TACR1: variants seen among roughly 807,000 people sequenced by gnomAD.
TACR1 encodes the protein tachykinin receptor 1.
A neutral mutation model predicts 35.8 loss-of-function variants in TACR1; 25 were observed. That is an observed-to-expected ratio of 0.70 (90% CI 0.51 to 0.98). The LOEUF (loss-of-function observed/expected upper bound fraction) is 0.98, where lower values mean the gene tolerates loss of function less well. TACR1 is among the 50% of genes least tolerant of loss of function. The pLI is 0.00. For missense variants in TACR1, 478 were observed against 522.9 expected (o/e 0.91, Z 0.84); for synonymous variants, 195 against 206.7 (o/e 0.94, Z 0.48).
At chr2:75,058,838 C>T (rs1190845986) in intron 2 of TACR1, among the ~76,000 whole-genome samples, 1 of 152,206 alleles carries the variant, frequency 6.6e-6, no homozygotes, top group African/African-American at 2.4e-5. Context: ...CCTTATATCT[C>T]ACTAGTGGGA....
intron 2 of TACR1, among the ~76,000 whole-genome samples, chr2:75,076,429 A>G: frequency 6.6e-6 from 1 of 152,240 alleles, no homozygotes. Flanking sequence ...GTGAAAACTC[A>G]TAGACCCAGC....
At chr2:75,164,326 TAA>T (rs35423094) in intron 1 of TACR1, among the ~76,000 whole-genome samples, 5 of 138,070 alleles carry the variant, frequency 3.6e-5, no homozygotes, top group Admixed American at 7.3e-5. Context: ...GACTCCATCT[TAA>T]AAAAAAAAAA....
At chr2:75,141,925 A>T (rs1034715757) in intron 1 of TACR1, among the ~76,000 whole-genome samples, 2 of 152,208 alleles carry the variant, frequency 1.3e-5, no homozygotes, top group Admixed American at 1.3e-4. Context: ...GGCTTCTCTC[A>T]ACTGTTCTAC....
chr2:75,138,293 C>G (rs1381606983), intron 1 of TACR1, among the ~76,000 whole-genome samples: 1 of 152,202 alleles, frequency 6.6e-6, no homozygotes, highest in African/African-American at 2.4e-5. Flanking sequence ...AGTTATTTAT[C>G]TTCACCACCT....
At chr2:75,188,697 G>T (rs1044040842) in intron 1 of TACR1, 23 of 152,198 alleles carry the variant, frequency 1.5e-4, no homozygotes, top group African/African-American at 5.5e-4. Context: ...TTTAAAGAAG[G>T]AATCTCTAAT....
intron 1 of TACR1, among the ~76,000 whole-genome samples, chr2:75,166,372 G>A (rs531884491): frequency 6.6e-6 from 1 of 152,288 alleles, no homozygotes; most frequent in African/African-American, 2.4e-5. Flanking sequence ...TATTTTGAAT[G>A]TTCACTATTT....
chr2:75,102,125 C>A (rs929279232), intron 2 of TACR1, among the ~76,000 whole-genome samples: 2 of 152,128 alleles, frequency 1.3e-5, no homozygotes, highest in Non-Finnish European at 2.9e-5. Flanking sequence ...TTAAACTCGC[C>A]TGTTGGGTAA....
At chr2:75,167,253 A>G (rs1675166950) in intron 1 of TACR1, among the ~76,000 whole-genome samples, 1 of 152,240 alleles carries the variant, frequency 6.6e-6, no homozygotes, top group South Asian at 2.1e-4. Context: ...ATAAAATCAC[A>G]GTGAAATTCT....
At chr2:75,157,722 C>T (rs1473661746) in intron 1 of TACR1, among the ~76,000 whole-genome samples, 1 of 152,198 alleles carries the variant, frequency 6.6e-6, no homozygotes, top group Non-Finnish European at 1.5e-5. Flanking sequence ...ATGTATTAAT[C>T]TTATTCAGGG....
chr2:75,080,351 G>A (rs1487548365), intron 2 of TACR1, among the ~76,000 whole-genome samples: 1 of 152,070 alleles, frequency 6.6e-6, no homozygotes, highest in Non-Finnish European at 1.5e-5. Context: ...CACACATGCA[G>A]GCATACACAC....
At chr2:75,084,213 A>G (rs1346157097) in intron 2 of TACR1, among the ~76,000 whole-genome samples, 1 of 152,194 alleles carries the variant, frequency 6.6e-6, no homozygotes, top group African/African-American at 2.4e-5. Context: ...GGTTCTGTTT[A>G]TATGCTGGAT....
At chr2:75,081,248 G>A (rs1013677805) in intron 2 of TACR1, among the ~76,000 whole-genome samples, 3 of 152,198 alleles carry the variant, frequency 2.0e-5, no homozygotes, top group Admixed American at 6.5e-5. Context: ...TATAACGGGC[G>A]TGTATTAGTG....
chr2:75,056,435 C>A (rs527385364), intron 2 of TACR1, among the ~76,000 whole-genome samples: 1 of 152,192 alleles, frequency 6.6e-6, no homozygotes, highest in Non-Finnish European at 1.5e-5. Context: ...TCCTACACCC[C>A]GGAGCCTGCC....
In TACR1 at chr2:75,093,340, C is replaced by T. The variant is rs1403331666; in HGVS notation, c.584+27234G>A. 2.7e-4 allele frequency among the ~76,000 whole-genome samples: 41 copies of T among 152,136 alleles called. 1 individual carries two copies. The highest frequency in any genetic ancestry group is 4.4e-5 in the Non-Finnish European group (3 of 68,044). On this transcript the variant is annotated intron_variant, in intron 2 of 4. Transcript: ENST00000305249. ...CAGATCTCAGGAATTAGAGGCTGGG[C>T]AATGAAAGGAAGCAGAAGGCTTGTC...
intron 1 of TACR1, among the ~76,000 whole-genome samples, chr2:75,196,845 AC>A (rs1459091594): frequency 6.6e-6 from 1 of 151,254 alleles, no homozygotes; most frequent in Non-Finnish European, 1.5e-5. Flanking sequence ...AACAAACAAA[AC>A]CCCCCAAAAA....
At chr2:75,162,719 G>C (rs3771847) in intron 1 of TACR1, among the ~76,000 whole-genome samples, 76,305 of 152,040 alleles carry the variant, frequency 0.5, 19,750 homozygotes, top group South Asian at 0.55. Flanking sequence ...TTGTCTGAGA[G>C]ACACTCAAGA....
intron 2 of TACR1, among the ~76,000 whole-genome samples, chr2:75,095,736 T>C (rs1253466455): frequency 2.6e-5 from 4 of 152,250 alleles, no homozygotes; most frequent in African/African-American, 9.6e-5. Context: ...GTTAGTTGAC[T>C]GACTCTGGCA....
At chr2:75,095,650 C>T (rs935480670) in intron 2 of TACR1, among the ~76,000 whole-genome samples, 1 of 152,152 alleles carries the variant, frequency 6.6e-6, no homozygotes, top group Non-Finnish European at 1.5e-5. Context: ...ACCCTCAGGA[C>T]AGGGGCTTTT....
rs544512857 is a variant in TACR1, at chr2:75,133,731, G to A, written c.390-12963C>T. ...GAACATATAAACATATATATTTGTC[G>A]GGGACATCTGAACCAGAGTAACTCC... On this transcript the variant is annotated intron_variant, in intron 1 of 4. Transcript: ENST00000305249. Among the ~76,000 whole-genome samples, 89 of 152,140 alleles carry A rather than the reference G, an allele frequency of 5.8e-4. 1 individual carries two copies. The South Asian group carries it at 0.016, about 27-fold the overall frequency.
Sources: gnomAD v4.1 joint callset for allele counts (sites outside exome capture counted in the v4.1 genomes callset) on GRCh38, gnomAD v4.1.1 for gene constraint, MANE v1.5 for transcripts, NCBI Gene and HGNC (gene_info 2026-07-23, HGNC 2026-07-21) for gene names.